The following HEMK2 variants were observed in gnomAD, a reference collection of about 807,000 sequenced individuals.
HEMK2 encodes methyltransferase HEMK2.
the HEMK2 span, chr21:28,882,353 T>TAA: frequency 1.3e-6 from 1 of 796,666 alleles, no homozygotes; most frequent in Non-Finnish European, 2.0e-6. Flanking sequence ...AGAACAGATT[T>TAA]AGAAAAAAAA....
chr21:28,822,518 A>T, the HEMK2 span, among the ~76,000 whole-genome samples: 4 of 152,022 alleles, frequency 2.6e-5, no homozygotes, highest in East Asian at 7.7e-4. Flanking sequence ...ATATGTAAGG[A>T]ATTTCCCTAG....
the HEMK2 span, among the ~76,000 whole-genome samples, chr21:28,656,467 A>G: frequency 6.6e-6 from 1 of 151,948 alleles, no homozygotes; most frequent in African/African-American, 2.4e-5. Flanking sequence ...ACTTAGGAAT[A>G]AGAACATAGG....
the HEMK2 span, among the ~76,000 whole-genome samples, chr21:28,778,098 G>T: frequency 0.081 from 12,393 of 152,150 alleles, 1,163 homozygotes; most frequent in African/African-American, 0.22. Context: ...AAATGGCTCA[G>T]CTTTTATATA....
chr21:28,865,156 CTTTTG>C, the HEMK2 span, among the ~76,000 whole-genome samples: 1 of 152,000 alleles, frequency 6.6e-6, no homozygotes, highest in Non-Finnish European at 1.5e-5. Context: ...TTTAGTTTTT[CTTTTG>C]TTTTGTTTTT....
At chr21:28,866,451 A>AG in the HEMK2 span, among the ~76,000 whole-genome samples, 1 of 150,992 alleles carries the variant, frequency 6.6e-6, no homozygotes, top group Non-Finnish European at 1.5e-5. Context: ...TCCATCTCAA[A>AG]AAATAAATAA....
chr21:28,739,854 T>C, the HEMK2 span, among the ~76,000 whole-genome samples: 1 of 152,166 alleles, frequency 6.6e-6, no homozygotes, highest in Non-Finnish European at 1.5e-5. Flanking sequence ...AAATACACAG[T>C]GAAAATACAC....
the HEMK2 span, among the ~76,000 whole-genome samples, chr21:28,877,602 A>C: frequency 1.3e-5 from 2 of 150,696 alleles, no homozygotes; most frequent in Admixed American, 6.6e-5. Context: ...GATGGAGAGA[A>C]GGAAGGAAAA....
the HEMK2 span, among the ~76,000 whole-genome samples, chr21:28,841,362 T>A: frequency 1.2e-4 from 2 of 16,662 alleles, no homozygotes; most frequent in Non-Finnish European, 1.6e-4. Context: ...ATATTATATA[T>A]TATATAAAAT....
At chr21:28,831,457 A>AG in the HEMK2 span, among the ~76,000 whole-genome samples, 9 of 54,292 alleles carry the variant, frequency 1.7e-4, no homozygotes, top group East Asian at 7.0e-4. Context: ...AAAGAAAGAA[A>AG]AGAACGAAAG....
chr21:28,842,984 T>A, the HEMK2 span, among the ~76,000 whole-genome samples: 2 of 152,108 alleles, frequency 1.3e-5, no homozygotes, highest in Non-Finnish European at 2.9e-5. Context: ...AGATAGACAG[T>A]TTGGTCTTGA....
the HEMK2 span, among the ~76,000 whole-genome samples, chr21:28,737,983 G>T: frequency 6.6e-6 from 1 of 152,200 alleles, no homozygotes; most frequent in East Asian, 1.9e-4. Flanking sequence ...CAATTGCACT[G>T]TGTTTTCATT....
the HEMK2 span, among the ~76,000 whole-genome samples, chr21:28,737,492 C>T: frequency 3.3e-5 from 5 of 151,934 alleles, no homozygotes; most frequent in South Asian, 2.1e-4. Flanking sequence ...CCAGAGAAAA[C>T]GAGAATTCAA....
At chr21:28,633,920 G>T in the HEMK2 span, among the ~76,000 whole-genome samples, 3 of 152,178 alleles carry the variant, frequency 2.0e-5, no homozygotes, top group Non-Finnish European at 4.4e-5. Context: ...CTACTGTGAA[G>T]TTCTGATAGT....
chr21:28,692,835 G>A, the HEMK2 span, among the ~76,000 whole-genome samples: 4 of 152,060 alleles, frequency 2.6e-5, no homozygotes, highest in East Asian at 7.7e-4. Context: ...ATGGAAAAAA[G>A]TATACACTAC....
the HEMK2 span, among the ~76,000 whole-genome samples, chr21:28,726,585 C>T: frequency 6.6e-6 from 1 of 152,088 alleles, no homozygotes; most frequent in Non-Finnish European, 1.5e-5. Context: ...GAGTTACATC[C>T]TAAACATAGC....
chr21:28,795,213 A>G, the HEMK2 span, among the ~76,000 whole-genome samples: 1 of 152,218 alleles, frequency 6.6e-6, no homozygotes, highest in Admixed American at 6.5e-5. Flanking sequence ...TCTGATAATG[A>G]TGGCTCTCAT....
At chr21:28,595,264 G>C in the HEMK2 span, among the ~76,000 whole-genome samples, 2,692 of 124,352 alleles carry the variant, frequency 0.022, 105 homozygotes, top group African/African-American at 0.08. Context: ...AAATACTAGG[G>C]CTTATTCATT....
the HEMK2 span, among the ~76,000 whole-genome samples, chr21:28,786,465 G>A: frequency 1.3e-5 from 2 of 152,164 alleles, no homozygotes; most frequent in Non-Finnish European, 2.9e-5. Context: ...GAAGTCAGCA[G>A]TTAGAGACCA....
the HEMK2 span, among the ~76,000 whole-genome samples, chr21:28,767,197 T>C: frequency 6.6e-6 from 1 of 152,016 alleles, no homozygotes; most frequent in Non-Finnish European, 1.5e-5. Flanking sequence ...TCCTCCTTGC[T>C]TTCCACCATG....
Sources: allele counts gnomAD v4.1 joint callset (sites outside exome capture counted in the v4.1 genomes callset), GRCh38; gene constraint gnomAD v4.1.1; transcripts MANE v1.5; gene names NCBI Gene and HGNC (gene_info 2026-07-23, HGNC 2026-07-21).